Variants in DPP6 observed in about 807,000 individuals in gnomAD.
The protein encoded by DPP6 is A-type potassium channel modulatory protein DPP6.
Under a neutral mutation model 122.6 loss-of-function variants are expected in DPP6, and 69 were observed. That is an observed-to-expected ratio of 0.56 (90% CI 0.46 to 0.69). The LOEUF (loss-of-function observed/expected upper bound fraction) is 0.69, where lower values mean the gene tolerates loss of function less well. Ranked by LOEUF, DPP6 falls within the 30% of genes least tolerant of loss-of-function variation. DPP6 has a pLI of 0.00. For synonymous variants in DPP6, 418 were observed against 433.1 expected (o/e 0.97, Z 0.43); for missense variants, 928 against 1,116.9 (o/e 0.83, Z 2.41).
chr7:154,079,992 A>C (rs1716683877), intron 1 of DPP6, among the ~76,000 whole-genome samples: 1 of 151,376 alleles, frequency 6.6e-6, no homozygotes, highest in African/African-American at 2.4e-5. Context: ...AGGAAGTTTA[A>C]GAAAGGCACC....
At chr7:154,257,723 T>TAAG (rs1802748734) in intron 1 of DPP6, among the ~76,000 whole-genome samples, 1 of 138,656 alleles carries the variant, frequency 7.2e-6, no homozygotes, top group African/African-American at 2.7e-5. Context: ...AAATAAATAA[T>TAAG]AAACAGAATA....
rs376535575 is a variant in DPP6, at chr7:154,794,154, C to T, written c.1212C>T (p.Asn404=). 19 of 1,612,912 alleles carry T rather than the reference C, an allele frequency of 1.2e-5. No individual in the cohort carries two copies. Among genetic ancestry groups the T allele is most frequent in the South Asian group, 2.2e-5 (2 of 90,858 alleles). The change falls in exon 11 of 26, where the codon AAC becomes AAT. Residue 404 remains asparagine (N), a synonymous_variant. Coordinates refer to ENST00000377770, the MANE Select transcript of DPP6 (RefSeq NM_130797.4). ...VAVTWLNRAQ[N]VSILTLCDAT... is the part of the protein sequence containing the mutation. ...TGACCTGGCTGAACCGGGCGCAGAACGTGTCCATCCTCACCCTCTGCGACG... is the reference window on the plus strand; with the variant it reads ...TGACCTGGCTGAACCGGGCGCAGAATGTGTCCATCCTCACCCTCTGCGACG...
chr7:154,494,484 GACACATCAC>G (rs1317195702), intron 3 of DPP6, among the ~76,000 whole-genome samples: 6 of 150,976 alleles, frequency 4.0e-5, no homozygotes, highest in Admixed American at 2.0e-4. Flanking sequence ...ACTTCACAGT[GACACATCAC>G]ACAAATGATC....
chr7:154,284,699 AC>A (rs1481985991), intron 1 of DPP6, among the ~76,000 whole-genome samples: 1 of 152,178 alleles, frequency 6.6e-6, no homozygotes, highest in African/African-American at 2.4e-5. Flanking sequence ...TACTAAAAAT[AC>A]AAAAATTAGC....
chr7:154,336,770 A>G (rs891771683), intron 1 of DPP6, among the ~76,000 whole-genome samples: 2 of 152,116 alleles, frequency 1.3e-5, no homozygotes, highest in African/African-American at 4.8e-5. Context: ...ATGGTTACAG[A>G]TGCGGGAAGT....
intron 1 of DPP6, among the ~76,000 whole-genome samples, chr7:154,134,092 A>G (rs1795424026): frequency 6.6e-6 from 1 of 151,904 alleles, no homozygotes; most frequent in African/African-American, 2.4e-5. Flanking sequence ...GATTGAGAAC[A>G]CTTCCTCCCA....
In DPP6 at chr7:154,121,024, T is replaced by G. The variant is rs568291682; in HGVS notation, c.243+67961T>G. On this transcript the variant is annotated intron_variant, in intron 1 of 25. Transcript: ENST00000377770. ...CTTGTGGCAATGAGTTCTCAGGAGA[T>G]CTGATGGTTTTCTAAGGGGCTTTCC... Among the ~76,000 whole-genome samples the G allele has an allele frequency of 1.3e-3, 204 of 152,210 alleles. 3 individuals are homozygous for G. The highest frequency in any genetic ancestry group is 4.3e-3 in the African/African-American group (179 of 41,544).
chr7:154,064,866 G>T (rs1366983804), intron 1 of DPP6, among the ~76,000 whole-genome samples: 3 of 152,174 alleles, frequency 2.0e-5, no homozygotes, highest in African/African-American at 7.2e-5. Flanking sequence ...AGCCTGCACC[G>T]CAAGCGCGTT....
rs535492299 is a variant in DPP6 at position 154,829,680 on chromosome 7, T to C, written c.1666+22568T>C. On this transcript the variant is annotated intron_variant, in intron 16 of 25. Coordinates refer to ENST00000377770, the MANE Select transcript of DPP6 (RefSeq NM_130797.4). ...AGCAGATGGGGGCTAGCTGGCATCA[T>C]ACGCAAGAGCATCAGTCTCAGCCAG... is the stretch of plus-strand genomic sequence containing the variant. Among the ~76,000 whole-genome samples, 5 of 152,294 alleles carry C rather than the reference T, an allele frequency of 3.3e-5. No homozygotes were observed. The South Asian group carries it at 1.0e-3, about 32-fold the overall frequency.
At chr7:154,440,835 A>G (rs1819313503) in intron 1 of DPP6, among the ~76,000 whole-genome samples, 1 of 152,144 alleles carries the variant, frequency 6.6e-6, no homozygotes. Context: ...AGCTGTCCCC[A>G]ATGTGGCTGG....
intron 4 of DPP6, among the ~76,000 whole-genome samples, chr7:154,556,814 A>G (rs892607394): frequency 8.5e-5 from 13 of 152,324 alleles, no homozygotes; most frequent in African/African-American, 3.1e-4. Flanking sequence ...AGACAAATAA[A>G]TAATAGAAAA....
chr7:154,284,085 CAG>C (rs1491082822), intron 1 of DPP6, among the ~76,000 whole-genome samples: 2 of 139,514 alleles, frequency 1.4e-5, no homozygotes, highest in Non-Finnish European at 3.2e-5. Flanking sequence ...GAAGCTGAGT[CAG>C]GGGGAGCTGC....
At chr7:154,621,993 T>C (rs1399211295) in intron 5 of DPP6, among the ~76,000 whole-genome samples, 1 of 152,202 alleles carries the variant, frequency 6.6e-6, no homozygotes, top group Non-Finnish European at 1.5e-5. Context: ...GCTTAATATA[T>C]TTCCCCCAAT....
At chr7:154,837,455 C>T (rs1185992746) in intron 16 of DPP6, among the ~76,000 whole-genome samples, 2 of 152,236 alleles carry the variant, frequency 1.3e-5, no homozygotes, top group African/African-American at 4.8e-5. Flanking sequence ...CACGCACACA[C>T]ACGTGGGATG....
At chr7:153,955,233 A>G (rs987904282) in intron 1 of DPP6, among the ~76,000 whole-genome samples, 2 of 152,124 alleles carry the variant, frequency 1.3e-5, no homozygotes, top group Non-Finnish European at 2.9e-5. Flanking sequence ...TTTAGGGACC[A>G]CTGTTCTTTA....
At chr7:154,240,381 C>T (rs1425079479) in intron 1 of DPP6, among the ~76,000 whole-genome samples, 2 of 152,154 alleles carry the variant, frequency 1.3e-5, no homozygotes, top group Non-Finnish European at 2.9e-5. Flanking sequence ...CCTTCCCTGA[C>T]TGTGCACACT....
At chr7:154,771,009 T>C (rs1036252168) in intron 9 of DPP6, among the ~76,000 whole-genome samples, 1 of 152,220 alleles carries the variant, frequency 6.6e-6, no homozygotes, top group African/African-American at 2.4e-5. Flanking sequence ...GGAGGCTCAC[T>C]TCCTGCCATG....
chr7:154,786,418 G>A (rs7801017), intron 10 of DPP6, among the ~76,000 whole-genome samples: 56,574 of 152,056 alleles, frequency 0.37, 11,915 homozygotes, highest in African/African-American at 0.58. Context: ...CCCAAGTGTC[G>A]TGGGAGGGAC....
At chr7:154,066,634 A>T (rs1350284305) in intron 1 of DPP6, among the ~76,000 whole-genome samples, 3 of 151,810 alleles carry the variant, frequency 2.0e-5, no homozygotes, top group Non-Finnish European at 4.4e-5. Context: ...AGACAAGAGT[A>T]GGAGCGAAGA....
Sources: gnomAD v4.1 joint callset for allele counts (sites outside exome capture counted in the v4.1 genomes callset) on GRCh38, gnomAD v4.1.1 for gene constraint, MANE v1.5 for transcripts, NCBI Gene and HGNC (gene_info 2026-07-23, HGNC 2026-07-21) for gene names.